NRXN3: variants seen among roughly 807,000 people sequenced by gnomAD.
NRXN3 encodes the protein neurexin III.
In NRXN3, 32 loss-of-function variants were observed where a neutral mutation model predicts 137.6. That is an observed-to-expected ratio of 0.23 (90% CI 0.18 to 0.31). The LOEUF is 0.31. Among genes scored for constraint, NRXN3 ranks in the 10% least tolerant of loss-of-function variants. The probability of loss-of-function intolerance (pLI) is 1.00; values close to 1 mark genes in which losing one functional copy is unlikely to be tolerated. For missense variants in NRXN3, 1,574 were observed against 2,062.5 expected (o/e 0.76, Z 4.59); for synonymous variants, 798 against 784.5 (o/e 1.02, Z -0.29).
intron 4 of NRXN3, among the ~76,000 whole-genome samples, chr14:78,335,201 A>G (rs1390721415): frequency 6.6e-6 from 1 of 152,214 alleles, no homozygotes; most frequent in Non-Finnish European, 1.5e-5. Flanking sequence ...GATAAAAATA[A>G]TTGGGCAATG....
intron 3 of NRXN3, among the ~76,000 whole-genome samples, chr14:78,280,953 G>A (rs769075487): frequency 6.6e-6 from 1 of 152,168 alleles, no homozygotes; most frequent in African/African-American, 2.4e-5. Flanking sequence ...GGGGCCCAGG[G>A]AAGTTAAATG....
chr14:79,508,250 C>T (rs2096896458), intron 16 of NRXN3, among the ~76,000 whole-genome samples: 1 of 151,932 alleles, frequency 6.6e-6, no homozygotes, highest in South Asian at 2.1e-4. Flanking sequence ...CCTAATGTAT[C>T]TTCAGTAAAT....
At chr14:78,516,138 T>G (rs1172353162) in intron 4 of NRXN3, among the ~76,000 whole-genome samples, 1 of 151,984 alleles carries the variant, frequency 6.6e-6, no homozygotes, top group African/African-American at 2.4e-5. Context: ...ATTCATGTCA[T>G]GTTCACCAAC....
At chr14:78,815,948 A>G (rs1205844734) in intron 10 of NRXN3, among the ~76,000 whole-genome samples, 4 of 152,194 alleles carry the variant, frequency 2.6e-5, no homozygotes, top group Non-Finnish European at 4.4e-5. Context: ...GCAAGAGCCT[A>G]TGTATCATAA....
chr14:79,388,642 C>G (rs1599583097), intron 15 of NRXN3, among the ~76,000 whole-genome samples: 1 of 152,072 alleles, frequency 6.6e-6, no homozygotes, highest in Non-Finnish European at 1.5e-5. Context: ...ATTCTGTATC[C>G]AGGGACTCCA....
intron 15 of NRXN3, among the ~76,000 whole-genome samples, chr14:79,261,643 G>GT (rs1555903812): frequency 9.4e-6 from 1 of 106,036 alleles, no homozygotes; most frequent in Non-Finnish European, 2.0e-5. Flanking sequence ...GTGTGTGTGT[G>GT]ATGGGGTGGG....
chr14:79,481,679 A>G (rs1384540973), intron 16 of NRXN3, among the ~76,000 whole-genome samples: 2 of 152,240 alleles, frequency 1.3e-5, no homozygotes, highest in African/African-American at 4.8e-5. Context: ...AGACAGGTGA[A>G]TTGCAGTAGA....
chr14:79,534,625 G>T (rs1302810667), intron 16 of NRXN3, among the ~76,000 whole-genome samples: 1 of 151,780 alleles, frequency 6.6e-6, no homozygotes, highest in Non-Finnish European at 1.5e-5. Flanking sequence ...TCATGGGAGA[G>T]CCCCAAACCA....
At chr14:78,213,186 A>T (rs1322133022) in intron 1 of NRXN3, among the ~76,000 whole-genome samples, 1 of 152,132 alleles carries the variant, frequency 6.6e-6, no homozygotes, top group Non-Finnish European at 1.5e-5. Context: ...AAAGGACAGG[A>T]TGTGCTGCCT....
At chr14:79,242,944 C>T (rs2074543027) in intron 15 of NRXN3, among the ~76,000 whole-genome samples, 1 of 152,156 alleles carries the variant, frequency 6.6e-6, no homozygotes, top group Admixed American at 6.6e-5. Flanking sequence ...ACCTTAAGAA[C>T]TCTTCCTTCC....
At chr14:78,661,655 G>A (rs1334240596) in intron 6 of NRXN3, among the ~76,000 whole-genome samples, 1 of 152,202 alleles carries the variant, frequency 6.6e-6, no homozygotes, top group Non-Finnish European at 1.5e-5. Context: ...CAGTTCTGCA[G>A]TATAATTTAT....
intron 1 of NRXN3, among the ~76,000 whole-genome samples, chr14:78,192,065 AGTGTGTGTGTGTGTGTGT>A (rs34445474): frequency 1.4e-5 from 2 of 142,860 alleles, no homozygotes; most frequent in African/African-American, 5.2e-5. Flanking sequence ...GCTGCCCGAA[AGTGTGTGTGTGTGTGTGT>A]GTGTGTGTGT....
chr14:79,224,617 T>A (rs2070465592), intron 15 of NRXN3, among the ~76,000 whole-genome samples: 1 of 152,184 alleles, frequency 6.6e-6, no homozygotes, highest in African/African-American at 2.4e-5. Context: ...CCAAAATTCA[T>A]GTCCTTCCTG....
chr14:79,782,274 C>A (rs1298882257), intron 19 of NRXN3, among the ~76,000 whole-genome samples: 1 of 152,164 alleles, frequency 6.6e-6, no homozygotes, highest in Admixed American at 6.5e-5. Flanking sequence ...GGTTCATTAA[C>A]CAGAAGTCTA....
chr14:78,887,526 G>T (rs1037315063), intron 10 of NRXN3, among the ~76,000 whole-genome samples: 1 of 151,998 alleles, frequency 6.6e-6, no homozygotes, highest in Non-Finnish European at 1.5e-5. Flanking sequence ...GTGCATGGAT[G>T]CCTGATTTTT....
intron 15 of NRXN3, among the ~76,000 whole-genome samples, chr14:79,296,460 A>AAAC (rs2084155718): frequency 6.6e-6 from 1 of 151,670 alleles, no homozygotes; most frequent in African/African-American, 2.4e-5. Flanking sequence ...AAAAAAAAAA[A>AAAC]CCAGATGTTC....
intron 17 of NRXN3, among the ~76,000 whole-genome samples, chr14:79,670,065 A>G (rs546477318): frequency 6.6e-6 from 1 of 152,044 alleles, no homozygotes; most frequent in East Asian, 1.9e-4. Flanking sequence ...TTTTTGTTTT[A>G]TTATGTACTT....
chr14:78,321,955 C>T (rs182431164), intron 4 of NRXN3, among the ~76,000 whole-genome samples: 7 of 151,978 alleles, frequency 4.6e-5, no homozygotes, highest in South Asian at 2.1e-4. Flanking sequence ...GCATACAGGG[C>T]GGGGGCTTCC....
intron 10 of NRXN3, among the ~76,000 whole-genome samples, chr14:78,918,285 C>CAAAAAAA (rs71454807): frequency 2.6e-4 from 9 of 34,634 alleles, no homozygotes; most frequent in African/African-American, 7.7e-4. Flanking sequence ...AACTCCATCT[C>CAAAAAAA]AAAAAAAAAA....
Sources: allele counts gnomAD v4.1 joint callset (sites outside exome capture counted in the v4.1 genomes callset), GRCh38; gene constraint gnomAD v4.1.1; transcripts MANE v1.5; gene names NCBI Gene and HGNC (gene_info 2026-07-23, HGNC 2026-07-21).